Variants in FCHO1 observed in about 807,000 individuals in gnomAD.
The protein encoded by FCHO1 is F-BAR domain only protein 1.
Under a neutral mutation model 114.4 loss-of-function variants are expected in FCHO1, and 45 were observed. The ratio of observed to expected loss-of-function variants is 0.39; its 90% CI spans 0.31 to 0.50. The LOEUF (loss-of-function observed/expected upper bound fraction) is 0.50, where lower values mean the gene tolerates loss of function less well. Ranked by LOEUF, FCHO1 falls within the 20% of genes least tolerant of loss-of-function variation. The pLI, the probability that FCHO1 is intolerant of heterozygous loss-of-function variation, is 0.77. For synonymous variants in FCHO1, 480 were observed against 488.9 expected (o/e 0.98, Z 0.24); for missense variants, 1,042 against 1,209.6 (o/e 0.86, Z 2.06).
At chr19:17,773,627 C>G (rs1405236298) in intron 11 of FCHO1, among the ~76,000 whole-genome samples, 1 of 152,176 alleles carries the variant, frequency 6.6e-6, no homozygotes, top group East Asian at 1.9e-4. Context: ...ACTGCACAGA[C>G]GCATGGTCCA....
rs2092611482 is a variant in FCHO1, at chr19:17,776,205, G to T, written c.1183-42G>T. 6.2e-6 allele frequency: 10 copies of T among 1,614,100 alleles called. No homozygotes were observed. Among genetic ancestry groups the T allele is most frequent in the Non-Finnish European group, 8.5e-6 (10 of 1,180,004 alleles). ...GCCCTGGGTGTTGCTAGAGAGGCTG[G>T]CTGGATGCATTCGTGTGTGATGTTG... On this transcript the variant is annotated intron_variant, in intron 16 of 28. Coordinates refer to ENST00000596536, the MANE Select transcript of FCHO1 (RefSeq NM_015122.3). The surrounding 1 kb of genome is among the most constrained non-coding windows in gnomAD (Gnocchi z 4.4).
At position 17,776,104 on chromosome 19, in the gene FCHO1, A is replaced by T. The variant is rs1441968185; in HGVS notation, c.1125A>T (p.Ala375=). ...PARAPACSPE[A]AAAQLRATAG... ...GGGCTCCAGCCTGCAGCCCCGAGGCAGCAGCGGCACAGCTCAGGGCCACCG... is the reference window on the plus strand; with the variant it reads ...GGGCTCCAGCCTGCAGCCCCGAGGCTGCAGCGGCACAGCTCAGGGCCACCG... The change falls in exon 16 of 29, where the codon GCA becomes GCT. Residue 375 remains alanine (A), a synonymous_variant. Transcript: ENST00000596536. The surrounding 1 kb of genome is among the most constrained non-coding windows in gnomAD (Gnocchi z 4.4). 1 of 1,612,854 alleles carries T rather than the reference A, an allele frequency of 6.2e-7. No individual in the cohort carries two copies. The highest frequency in any genetic ancestry group is 1.7e-5 in the Admixed American group (1 of 60,004).
upstream of FCHO1, chr19:17,747,944 G>T (rs1033526009): frequency 2.6e-5 from 4 of 152,344 alleles, no homozygotes; most frequent in African/African-American, 9.6e-5. Context: ...GAGAGCAGGG[G>T]GTTGGGGCTA....
At position 17,752,867 on chromosome 19, in the gene FCHO1, A is replaced by G. The variant is rs561189049; in HGVS notation, c.-183+1290A>G. On this transcript the variant is annotated intron_variant, in intron 1 of 28. Coordinates refer to ENST00000596536, the MANE Select transcript of FCHO1 (RefSeq NM_015122.3). ...ATGAGCTGTGATCATGCCACTGCAC[A>G]CTCCAGCCTGGGTGACAGAGCAAGA... Among the ~76,000 whole-genome samples the G allele has an allele frequency of 1.8e-3, 268 of 152,038 alleles. 4 individuals carry two copies. Among genetic ancestry groups the G allele is most frequent in the Non-Finnish European group, 4.3e-4 (29 of 67,978 alleles).
Position 17,781,508 on chromosome 19 carries a change from A to T in FCHO1, c.1797A>T (p.Glu599Asp), listed in dbSNP as rs1207438383. Residue 599 changes from glutamate to aspartate, a missense_variant, in exon 22 of 29, where the codon GAA (glutamate) becomes GAT (aspartate). Coordinates refer to ENST00000596536, the MANE Select transcript of FCHO1 (RefSeq NM_015122.3). Reference sequence around the variant, plus strand: ...CTTCAGCCGCCAGCACTGCCTTGGAACGGCCCAGCTTCTTATCCCAGACAG... The same window carrying T: ...CTTCAGCCGCCAGCACTGCCTTGGATCGGCCCAGCTTCTTATCCCAGACAG... The part of the protein sequence containing the change: ...LGSSAASTAL[E>D]RPSFLSQTGH... 2 of 1,613,678 alleles carry T rather than the reference A, an allele frequency of 1.2e-6. No homozygotes were observed. The highest frequency in any genetic ancestry group is 8.5e-7 in the Non-Finnish European group (1 of 1,179,918).
intron 4 of FCHO1, among the ~76,000 whole-genome samples, chr19:17,762,266 G>A (rs1446070009): frequency 2.0e-5 from 3 of 151,386 alleles, no homozygotes; most frequent in African/African-American, 7.3e-5. Flanking sequence ...GATTACGGGC[G>A]TGAGCCACCG....
intron 4 of FCHO1, among the ~76,000 whole-genome samples, chr19:17,757,786 C>T (rs947039662): frequency 8.0e-5 from 12 of 150,178 alleles, no homozygotes; most frequent in Non-Finnish European, 1.0e-4. Context: ...TGTGGTGGCG[C>T]GCACCTGTGG....
At position 17,781,217 on chromosome 19, in the gene FCHO1, G is replaced by A. The variant is rs1012133083; in HGVS notation, c.1628-14G>A. ...GGCAGCATCTCAGCAGTGCCTCTTTGTACTCGCTCCTAGACCTGATGCCTG... is the reference window on the plus strand; with the variant it reads ...GGCAGCATCTCAGCAGTGCCTCTTTATACTCGCTCCTAGACCTGATGCCTG... On this transcript the variant is annotated splice_polypyrimidine_tract_variant and intron_variant, in intron 20 of 28. Transcript: ENST00000596536. 12 of 1,594,806 alleles carry A rather than the reference G, an allele frequency of 7.5e-6. No individual in the cohort carries two copies. Among genetic ancestry groups the A allele is most frequent in the South Asian group, 1.1e-5 (1 of 90,240 alleles).
At position 17,781,539 on chromosome 19, in the gene FCHO1, G is replaced by C; in HGVS notation, c.1828G>C (p.Gly610Arg). ...RPSFLSQTGH[G>R]VSRGPSPVVL... ...CAGCTTCTTATCCCAGACAGGACAC[G>C]GTATGTGAGGGCGGTCCTGGGCCTG... The change falls in exon 22 of 29, where the codon GGA becomes CGA. Residue 610 changes from glycine to arginine, a missense_variant and splice_region_variant. Gly to Arg is a moderately radical substitution (Grantham distance 125). Transcript: ENST00000596536. The C allele has an allele frequency of 6.2e-7, 1 of 1,613,882 alleles. No homozygotes were observed. Among genetic ancestry groups the C allele is most frequent in the South Asian group, 1.1e-5 (1 of 91,080 alleles).
intron 6 of FCHO1, 137 bp from the exon 7 acceptor site, chr19:17,766,532 C>T: frequency 8.6e-7 from 1 of 1,164,302 alleles, no homozygotes; most frequent in East Asian, 2.6e-5. Context: ...CTTACAGCTG[C>T]CATGGAGATT....
At position 17,765,548 on chromosome 19, in the gene FCHO1, C is replaced by T. The variant is rs549649652; in HGVS notation, c.194+1099C>T. 6.6e-5 allele frequency among the ~76,000 whole-genome samples: 10 copies of T among 152,100 alleles called. No homozygotes were observed. The East Asian group carries it at 1.6e-3, about 24-fold the overall frequency. The stretch of plus-strand genomic sequence containing the variant: ...ATTAGCCGGGCATGGTGGCATGTGC[C>T]TGCAGTCCCAGCTATTTAGGAGGCT... On this transcript the variant is annotated intron_variant, in intron 6 of 28. Transcript: ENST00000596536.
At chr19:17,761,440 C>T (rs1568325241) in intron 4 of FCHO1, among the ~76,000 whole-genome samples, 1 of 149,636 alleles carries the variant, frequency 6.7e-6, no homozygotes, top group Non-Finnish European at 1.5e-5. Context: ...GGATCACTTT[C>T]TTGATTTCTT....
chr19:17,782,890 A>G, intron 23 of FCHO1, 127 bp from the exon 24 acceptor site: 1 of 1,040,988 alleles, frequency 9.6e-7, no homozygotes, highest in Non-Finnish European at 1.4e-6. Context: ...ACGGGGGATC[A>G]TCAGGGCCAT....
rs374568687 is a variant in FCHO1 at position 17,783,247 on chromosome 19, C to T, written c.2093+75C>T. 63 of 1,446,516 alleles carry T rather than the reference C, an allele frequency of 4.4e-5. No homozygotes were observed. In the East Asian group the frequency reaches 7.9e-4, roughly 18 times the overall value. The allele number at this position is 1,446,516 out of a possible 1,614,324, so 89.6% of individuals were successfully genotyped here. ...GGCTTCCGGACTCTGAGTTCCCTCT[C>T]TGCTTCCTGGGATTTTTTCTTTTCT... On this transcript the variant is annotated intron_variant, in intron 24 of 28. Coordinates refer to ENST00000596536, the MANE Select transcript of FCHO1 (RefSeq NM_015122.3).
Position 17,784,703 on chromosome 19 carries a change from C to A in FCHO1, c.2227-22C>A. On this transcript the variant is annotated intron_variant, in intron 25 of 28. Coordinates refer to ENST00000596536, the MANE Select transcript of FCHO1 (RefSeq NM_015122.3). The surrounding 1 kb of genome is among the most constrained non-coding windows in gnomAD (Gnocchi z 5.3). ...CAGGATGGCCCAAGCTGTGTCCTCT[C>A]TCTCATTCTCATTCTTCCTAGTTCT... is the stretch of plus-strand genomic sequence containing the variant. The A allele has an allele frequency of 6.2e-7, 1 of 1,611,878 alleles. No homozygotes were observed. Among genetic ancestry groups the A allele is most frequent in the South Asian group, 1.1e-5 (1 of 91,040 alleles).
At position 17,776,309 on chromosome 19, in the gene FCHO1, A is replaced by G. The variant is rs2092625615; in HGVS notation, c.1207+38A>G. ...TGGTCTTCAGAGTGGGGAGGATCCT[A>G]AGGAAGGGAGGCTATGGGTTTGGGC... On this transcript the variant is annotated intron_variant, in intron 17 of 28. Transcript: ENST00000596536. This position sits in a 1 kb window ranked among gnomAD's most constrained non-coding sequence, Gnocchi z 4.4. The G allele has an allele frequency of 5.0e-6, 8 of 1,613,712 alleles. No individual in the cohort carries two copies. The highest frequency in any genetic ancestry group is 6.8e-6 in the Non-Finnish European group (8 of 1,179,650).
intron 26 of FCHO1, 140 bp from the exon 27 acceptor site, chr19:17,786,434 C>T (rs1178025219): frequency 5.2e-6 from 4 of 767,390 alleles, no homozygotes; most frequent in African/African-American, 1.7e-5. Context: ...ATCTCACCCT[C>T]ATTTCACAGA....
intron 23 of FCHO1, 150 bp downstream of exon 23, chr19:17,781,970 T>C (rs933409013): frequency 2.1e-6 from 1 of 472,538 alleles, no homozygotes; most frequent in African/African-American, 2.2e-5. Context: ...CTGAGGGCAG[T>C]GGAGCCATAG....
chr19:17,770,747 C>T (rs768835372), intron 8 of FCHO1, 45 bp from the exon 9 acceptor site: 1 of 1,597,940 alleles, frequency 6.3e-7, no homozygotes, highest in East Asian at 2.2e-5. Flanking sequence ...GGGAGGCCCC[C>T]TGAGTATCGC....
Sources: gnomAD v4.1 joint callset for allele counts (sites outside exome capture counted in the v4.1 genomes callset) on GRCh38, gnomAD v4.1.1 for gene constraint, Gnocchi (gnomAD v3.1) non-coding constraint, MANE v1.5 for transcripts, NCBI Gene and HGNC (gene_info 2026-07-23, HGNC 2026-07-21) for gene names.